The following KAZN variants were observed in gnomAD, a reference collection of about 807,000 sequenced individuals.
KAZN encodes kazrin, periplakin interacting protein, also known as kazrin.
In KAZN, 40 loss-of-function variants were observed where a neutral mutation model predicts 87.4. The observed-to-expected ratio is 0.46, with a 90% confidence interval of 0.36 to 0.60. The LOEUF is 0.60. Ranked by LOEUF, KAZN falls within the 20% of genes least tolerant of loss-of-function variation. The pLI, the probability that KAZN is intolerant of heterozygous loss-of-function variation, is 0.00. For missense variants in KAZN, 898 were observed against 1,073.9 expected, an observed-to-expected ratio of 0.84 and a Z score of 2.29; for synonymous variants, 466 against 458.3, an observed-to-expected ratio of 1.02 and a Z score of -0.22.
chr1:15,042,796 T>C (rs769234929), intron 3 of KAZN, among the ~76,000 whole-genome samples: 2 of 152,158 alleles, frequency 1.3e-5, no homozygotes, highest in Non-Finnish European at 2.9e-5. Context: ...GAGACAGGTT[T>C]GTCAGACAAG....
chr1:14,056,709 A>G (rs1030349308), intron 1 of KAZN, among the ~76,000 whole-genome samples: 7 of 152,216 alleles, frequency 4.6e-5, no homozygotes, highest in East Asian at 3.9e-4. Context: ...GGTGAGACAG[A>G]ATCAGAGACA....
At chr1:14,348,958 G>A (rs573261599) in intron 2 of KAZN, 13 of 152,312 alleles carry the variant, frequency 8.5e-5, no homozygotes, top group East Asian at 3.9e-4. Context: ...TTGGTTATGC[G>A]GAATGGCTTT....
At chr1:14,499,710 T>G (rs995548563) in intron 2 of KAZN, among the ~76,000 whole-genome samples, 6 of 152,222 alleles carry the variant, frequency 3.9e-5, no homozygotes, top group African/African-American at 1.4e-4. Context: ...CATTTTTATT[T>G]CTTTTTGAAT....
intron 2 of KAZN, among the ~76,000 whole-genome samples, chr1:14,400,238 G>A (rs1379153789): frequency 6.6e-6 from 1 of 152,192 alleles, no homozygotes; most frequent in African/African-American, 2.4e-5. Context: ...CACAAAGGAA[G>A]AAATCTCAAC....
chr1:14,176,564 A>T (rs1053610873), intron 1 of KAZN, among the ~76,000 whole-genome samples: 10 of 152,106 alleles, frequency 6.6e-5, no homozygotes, highest in African/African-American at 1.2e-4. Context: ...GAATCAGGCC[A>T]TATTCTTTCT....
intron 2 of KAZN, among the ~76,000 whole-genome samples, chr1:14,261,964 C>A (rs886106261): frequency 1.3e-5 from 2 of 152,150 alleles, no homozygotes; most frequent in Non-Finnish European, 2.9e-5. Context: ...CACTGGCATA[C>A]ATCATGCTTT....
rs1404268262 is a variant in KAZN, at chr1:15,099,063, T to C, written c.1548-2480T>C. On this transcript the variant is annotated intron_variant, in intron 10 of 14. Transcript: ENST00000376030. The surrounding 1 kb of genome is among the most constrained non-coding windows in gnomAD (Gnocchi z 5.4). ...ACCCAGCATGACATCTTGGAAGGCTTCCGGGAGACCAGACGTCTCTGCAGA... is the reference window on the plus strand; with the variant it reads ...ACCCAGCATGACATCTTGGAAGGCTCCCGGGAGACCAGACGTCTCTGCAGA... 6.6e-6 allele frequency among the ~76,000 whole-genome samples: 1 copy of C among 152,078 alleles called. No homozygotes were observed. The highest frequency in any genetic ancestry group is 1.5e-5 in the Non-Finnish European group (1 of 68,004).
intron 1 of KAZN, among the ~76,000 whole-genome samples, chr1:14,093,656 GA>G (rs201064638): frequency 3.4e-5 from 5 of 146,590 alleles, no homozygotes; most frequent in East Asian, 4.0e-4. Flanking sequence ...TAAGTCTGCT[GA>G]AAAAAAAACA....
intron 1 of KAZN, among the ~76,000 whole-genome samples, chr1:14,696,658 T>C (rs1641618373): frequency 2.0e-5 from 3 of 152,074 alleles, no homozygotes; most frequent in Admixed American, 2.0e-4. Context: ...TGCTTCAGAG[T>C]CATCTAGAGG....
At chr1:14,434,860 G>A (rs962054721) in intron 2 of KAZN, among the ~76,000 whole-genome samples, 4 of 152,002 alleles carry the variant, frequency 2.6e-5, no homozygotes, top group Non-Finnish European at 5.9e-5. Context: ...GTTTCCTTCA[G>A]AGGAAGTTAG....
intron 2 of KAZN, among the ~76,000 whole-genome samples, chr1:14,463,216 T>C (rs914859920): frequency 1.3e-5 from 2 of 152,218 alleles, no homozygotes; most frequent in Non-Finnish European, 2.9e-5. Flanking sequence ...GTTGTTGCCA[T>C]GGCATTCTTA....
intron 1 of KAZN, among the ~76,000 whole-genome samples, chr1:14,088,866 T>C (rs1643910159): frequency 6.6e-6 from 1 of 151,930 alleles, no homozygotes; most frequent in African/African-American, 2.4e-5. Context: ...TGAATGGGCC[T>C]TTTTATCATT....
At chr1:14,256,633 G>C (rs542094081) in intron 2 of KAZN, among the ~76,000 whole-genome samples, 2 of 152,276 alleles carry the variant, frequency 1.3e-5, no homozygotes, top group African/African-American at 4.8e-5. Flanking sequence ...TCTTCTCGGA[G>C]CCCATCCCTT....
intron 2 of KAZN, among the ~76,000 whole-genome samples, chr1:14,529,019 T>A (rs1262821044): frequency 6.6e-6 from 1 of 151,762 alleles, no homozygotes; most frequent in East Asian, 2.0e-4. Context: ...ATAATTGTCT[T>A]TCGGCCCGGC....
Position 14,671,640 on chromosome 1 carries a change from CT to C in KAZN, c.226+72427del, listed in dbSNP as rs1054117152. 5.8e-3 allele frequency among the ~76,000 whole-genome samples: 869 copies of C among 148,862 alleles called. 5 individuals carry two copies. Among genetic ancestry groups the C allele is most frequent in the African/African-American group, 0.02 (829 of 40,680 alleles). ...TCCCCCCGTGGGCAAAGGGCCCATC[CT>C]TTTTTTTTTAAAGGACTGTTTGAAA... On this transcript the variant is annotated intron_variant, in intron 1 of 14. Transcript: ENST00000376030.
intron 1 of KAZN, among the ~76,000 whole-genome samples, chr1:14,872,416 ACAGCCACATATGGCT>A (rs1302630612): frequency 2.0e-5 from 3 of 152,228 alleles, no homozygotes; most frequent in African/African-American, 7.2e-5. Flanking sequence ...TTAAATTCAA[ACAGCCACATATGGCT>A]AACAGCAACC....
intron 2 of KAZN, among the ~76,000 whole-genome samples, chr1:14,282,847 C>T (rs1458282823): frequency 6.6e-6 from 1 of 152,118 alleles, no homozygotes; most frequent in East Asian, 1.9e-4. Flanking sequence ...AAGAATTCAG[C>T]CAGGAAGATA....
intron 1 of KAZN, among the ~76,000 whole-genome samples, chr1:14,712,748 A>G (rs1181010058): frequency 6.6e-6 from 1 of 152,254 alleles, no homozygotes; most frequent in Non-Finnish European, 1.5e-5. Flanking sequence ...AGTTGGGGGC[A>G]GAAACCGCTC....
intron 4 of KAZN, among the ~76,000 whole-genome samples, chr1:15,054,228 A>G (rs1270890798): frequency 3.3e-5 from 5 of 152,014 alleles, no homozygotes; most frequent in Non-Finnish European, 7.4e-5. Flanking sequence ...ATGAGAGGCA[A>G]AGCCAGCACT....
Sources: gnomAD v4.1 joint callset for allele counts (sites outside exome capture counted in the v4.1 genomes callset) on GRCh38, gnomAD v4.1.1 for gene constraint, Gnocchi (gnomAD v3.1) non-coding constraint, MANE v1.5 for transcripts, NCBI Gene and HGNC (gene_info 2026-07-23, HGNC 2026-07-21) for gene names.